Variants in ZC3H12B observed in about 807,000 individuals in gnomAD.
The protein encoded by ZC3H12B is zinc finger CCCH-type containing 12B, also known as probable ribonuclease ZC3H12B.
ZC3H12B carries 7 observed loss-of-function variants against 43.9 expected under a neutral mutation model. That is an observed-to-expected ratio of 0.16 (90% CI 0.09 to 0.30). The LOEUF (loss-of-function observed/expected upper bound fraction) is 0.30. Ranked by LOEUF, ZC3H12B falls within the 10% of genes least tolerant of loss-of-function variation. The probability of loss-of-function intolerance (pLI) is 1.00; values close to 1 mark genes in which losing one functional copy is unlikely to be tolerated. For missense variants in ZC3H12B, 475 were observed against 670.2 expected, an observed-to-expected ratio of 0.71 and a Z score of 3.22; for synonymous variants, 222 against 241.7, an observed-to-expected ratio of 0.92 and a Z score of 0.76.
the ZC3H12B span, among the ~76,000 whole-genome samples, chrX:65,230,968 A>T: frequency 8.9e-6 from 1 of 112,252 alleles, no homozygotes; most frequent in Admixed American, 9.5e-5. Flanking sequence ...TGAGATAATA[A>T]CTTTAACAAT....
chrX:65,050,588 G>A, the ZC3H12B span, among the ~76,000 whole-genome samples: 314 of 110,519 alleles, frequency 2.8e-3, 1 homozygote, highest in Non-Finnish European at 5.1e-3. Flanking sequence ...AATTGTTGAG[G>A]CAATTTTCTT....
chrX:65,503,055 A>G (rs764937862), exon 5 of ZC3H12B: 11 of 1,211,376 alleles, frequency 9.1e-6, no homozygotes, highest in Non-Finnish European at 1.1e-5. Flanking sequence ...TCCAGGGAGC[A>G]TATGATCCCA....
At chrX:65,153,353 C>T in the ZC3H12B span, among the ~76,000 whole-genome samples, 1 of 111,821 alleles carries the variant, frequency 8.9e-6, no homozygotes, top group African/African-American at 3.2e-5. Context: ...GGGCTAATAT[C>T]CAGAATCTAC....
At chrX:65,099,709 A>G in the ZC3H12B span, among the ~76,000 whole-genome samples, 1 of 111,414 alleles carries the variant, frequency 9.0e-6, no homozygotes, top group Non-Finnish European at 1.9e-5. Flanking sequence ...CCACACACAC[A>G]CAGAAACCCC....
the ZC3H12B span, among the ~76,000 whole-genome samples, chrX:65,353,005 G>A: frequency 9.2e-6 from 1 of 108,998 alleles, no homozygotes; most frequent in African/African-American, 3.4e-5. Flanking sequence ...GCGCCTCCAC[G>A]CCCAGCTAAT....
chrX:65,176,025 C>T, the ZC3H12B span, among the ~76,000 whole-genome samples: 1 of 111,197 alleles, frequency 9.0e-6, no homozygotes, highest in Non-Finnish European at 1.9e-5. Flanking sequence ...GCGCCTGGAA[C>T]ACCAGTGAGA....
the ZC3H12B span, among the ~76,000 whole-genome samples, chrX:65,173,523 A>G: frequency 8.1e-5 from 9 of 111,486 alleles, no homozygotes; most frequent in African/African-American, 2.9e-4. Context: ...AATGCTTCCA[A>G]CTTTTGGCCA....
chrX:65,472,060 C>A (rs754908390), intron 3 of ZC3H12B, among the ~76,000 whole-genome samples: 1 of 111,549 alleles, frequency 9.0e-6, no homozygotes, highest in Non-Finnish European at 1.9e-5. Flanking sequence ...ATTTCTCCTT[C>A]ATTTATGAAA....
chrX:65,241,170 G>A, the ZC3H12B span, among the ~76,000 whole-genome samples: 1 of 112,680 alleles, frequency 8.9e-6, no homozygotes, highest in Non-Finnish European at 1.9e-5. Context: ...TGACTGAACT[G>A]CAGAGGTGTC....
At chrX:65,441,183 C>T (rs1268895186) in intron 3 of ZC3H12B, among the ~76,000 whole-genome samples, 1 of 111,710 alleles carries the variant, frequency 9.0e-6, no homozygotes, top group Non-Finnish European at 1.9e-5. Context: ...AATCTCTTCC[C>T]TATAAATTTA....
At chrX:65,128,422 C>T in the ZC3H12B span, among the ~76,000 whole-genome samples, 4 of 111,832 alleles carry the variant, frequency 3.6e-5, no homozygotes, top group Non-Finnish European at 7.5e-5. Context: ...GGTTGGAAAA[C>T]ACCCTTGGTA....
the ZC3H12B span, among the ~76,000 whole-genome samples, chrX:65,183,333 G>T: frequency 9.0e-6 from 1 of 111,639 alleles, no homozygotes; most frequent in African/African-American, 3.2e-5. Flanking sequence ...CAAATACCAC[G>T]TGTTCTAACT....
chrX:65,257,424 C>A, the ZC3H12B span, among the ~76,000 whole-genome samples: 1 of 109,972 alleles, frequency 9.1e-6, no homozygotes, highest in African/African-American at 3.3e-5. Context: ...GGACACAGGG[C>A]AGAGAACATC....
chrX:65,224,414 C>A, the ZC3H12B span, among the ~76,000 whole-genome samples: 5 of 112,402 alleles, frequency 4.4e-5, no homozygotes, highest in Admixed American at 4.7e-4. Flanking sequence ...CGAATAGGAA[C>A]AGGTCTGGTC....
the ZC3H12B span, among the ~76,000 whole-genome samples, chrX:65,287,155 T>G: frequency 9.1e-6 from 1 of 110,483 alleles, no homozygotes; most frequent in South Asian, 3.8e-4. Context: ...AAGAAAAAAA[T>G]CAGATTTAAA....
chrX:65,065,835 T>G, the ZC3H12B span, among the ~76,000 whole-genome samples: 2 of 109,241 alleles, frequency 1.8e-5, no homozygotes, highest in Admixed American at 2.0e-4. Context: ...AGGCTTTGTT[T>G]GTTTTTTTTT....
At chrX:65,234,032 C>T in the ZC3H12B span, among the ~76,000 whole-genome samples, 19 of 111,101 alleles carry the variant, frequency 1.7e-4, no homozygotes, top group Middle Eastern at 4.6e-3. Flanking sequence ...ACAGTATTAC[C>T]CTGATGCTAA....
chrX:65,245,808 C>A, the ZC3H12B span, among the ~76,000 whole-genome samples: 2 of 110,892 alleles, frequency 1.8e-5, no homozygotes, highest in Non-Finnish European at 3.8e-5. Context: ...CTTCTCTCAC[C>A]ACTCCTATTC....
the ZC3H12B span, among the ~76,000 whole-genome samples, chrX:65,256,840 C>T: frequency 1.3e-4 from 14 of 111,955 alleles, no homozygotes; most frequent in Non-Finnish European, 2.1e-4. Context: ...AGCCAACAGA[C>T]ACAAGAAAAA....
Sources: allele counts gnomAD v4.1 joint callset (sites outside exome capture counted in the v4.1 genomes callset), GRCh38; gene constraint gnomAD v4.1.1; transcripts MANE v1.5; gene names NCBI Gene and HGNC (gene_info 2026-07-23, HGNC 2026-07-21).